Variants in PLEKHG3 observed in about 807,000 individuals in gnomAD.
PLEKHG3 encodes the protein pleckstrin homology domain-containing family G member 3.
A neutral mutation model predicts 94.9 loss-of-function variants in PLEKHG3; 62 were observed. The observed-to-expected ratio is 0.65, with a 90% CI of 0.53 to 0.81. The LOEUF (loss-of-function observed/expected upper bound fraction) is 0.81. Ranked by LOEUF, PLEKHG3 falls within the 30% of genes least tolerant of loss-of-function variation. The pLI, the probability that PLEKHG3 is intolerant of heterozygous loss-of-function variation, is 0.00. For missense variants in PLEKHG3, 1,461 were observed against 1,619.3 expected, an observed-to-expected ratio of 0.90 and a Z score of 1.68; for synonymous variants, 614 against 654.0, an observed-to-expected ratio of 0.94 and a Z score of 0.93.
chr14:64,737,977 T>C, intron 14 of PLEKHG3: 1 of 1,195,646 alleles, frequency 8.4e-7, no homozygotes, highest in Non-Finnish European at 1.1e-6. Flanking sequence ...GAGGAGGTGG[T>C]GGAGGAGGAG....
At position 64,730,421 on chromosome 14, in the gene PLEKHG3, A is replaced by G. The variant is rs955769243; in HGVS notation, c.519+109A>G. ...AGTCCTGGGGATTCCTTTCCAGGGA[A>G]AGTCCTGGGTGCTCTATCTTGAATG... is the stretch of plus-strand genomic sequence containing the variant. On this transcript the variant is annotated intron_variant, in intron 4 of 16. Coordinates refer to ENST00000247226, the MANE Select transcript of PLEKHG3 (RefSeq NM_001308147.2). This position sits in a 1 kb window ranked among gnomAD's most constrained non-coding sequence, Gnocchi z 5.4. The G allele has an allele frequency of 2.0e-4, 161 of 824,098 alleles. No individual in the cohort carries two copies. The highest frequency in any genetic ancestry group is 6.7e-4 in the Middle Eastern group (3 of 4,450). The allele number at this position is 824,098 out of a possible 1,614,324, so 51.0% of individuals were successfully genotyped here. A position where few individuals can be genotyped will look rare whatever the true frequency, so the allele number is the denominator to read the frequency against.
chr14:64,730,853 TC>T lies in PLEKHG3; in HGVS notation c.622del (p.Arg208GlyfsTer18). On this transcript the variant is annotated frameshift_variant, in exon 6 of 17. Transcript: ENST00000247226. LOFTEE classifies it high-confidence loss of function. The surrounding 1 kb of genome is among the most constrained non-coding windows in gnomAD (Gnocchi z 5.4). ...MRDKQQAKFF[R>X]DRQELLQHSL... ...GGGACAAGCAGCAGGCCAAGTTCTT[TC>T]GGGACCGGCAGGAGCTGCTACAGCA... is the stretch of plus-strand genomic sequence containing the variant. 6.2e-7 allele frequency: 1 copy of T among 1,613,412 alleles called. No homozygotes were observed. The highest frequency in any genetic ancestry group is 8.5e-7 in the Non-Finnish European group (1 of 1,179,998).
At position 64,738,823 on chromosome 14, in the gene PLEKHG3, A is replaced by G. The variant is rs755196025; in HGVS notation, c.1486A>G (p.Met496Val). 68 of 1,593,540 alleles carry G rather than the reference A, an allele frequency of 4.3e-5. No individual in the cohort carries two copies. In the South Asian group the frequency reaches 7.3e-4, roughly 17 times the overall value. ...GTCTCCAACCAGTACTGAGAAGCGC[A>G]TGAGCTTCGAGTCCATTTCTTCCCT... ...GRSPTSTEKR[M>V]SFESISSLPE... is the part of the protein sequence containing the mutation. Residue 496 changes from methionine (M) to valine (V), a missense_variant, in exon 15 of 17, where the codon ATG becomes GTG. By Grantham distance (21) the Met-to-Val change is conservative. Around this residue, in one of 3 missense-constraint regions of PLEKHG3, gnomAD observed 1,201 missense variants for 1,295.5 expected, o/e 0.93. Coordinates refer to ENST00000247226, the MANE Select transcript of PLEKHG3 (RefSeq NM_001308147.2). The surrounding 1 kb of genome is among the most constrained non-coding windows in gnomAD (Gnocchi z 4.8).
intron 1 of PLEKHG3, among the ~76,000 whole-genome samples, chr14:64,713,635 G>A (rs952319212): frequency 1.3e-5 from 2 of 152,130 alleles, no homozygotes; most frequent in Non-Finnish European, 2.9e-5. Flanking sequence ...ACTATATACA[G>A]TATGTCTGAA....
chr14:64,704,519 G>T lies in PLEKHG3; in HGVS notation c.-225G>T, dbSNP rs550412616. On this transcript the variant is annotated 5_prime_UTR_variant, in exon 1 of 17. Coordinates refer to ENST00000247226, the MANE Select transcript of PLEKHG3 (RefSeq NM_001308147.2). This position sits in a 1 kb window ranked among gnomAD's most constrained non-coding sequence, Gnocchi z 5.6. ...GCTGGCAAGCCGCGCGCTGCCTGGG[G>T]TCTCCGGGGGCCGCGCTTGCAGCTG... 6.4e-6 allele frequency: 1 copy of T among 155,532 alleles called. No individual in the cohort carries two copies. The highest frequency in any genetic ancestry group is 1.7e-4 in the East Asian group (1 of 6,054). 9.6% of individuals were successfully genotyped at this position (155,532 alleles called of 1,614,324 possible).
rs991162780 is a variant in PLEKHG3, at chr14:64,749,591, C to T, written c.*5888C>T. ...CTTCTGAGGGGGCCTCCAGGGCAAG[C>T]GGCCTGGGGTCCTCCACCTACCCCC... is the stretch of plus-strand genomic sequence containing the variant. On this transcript the variant is annotated 3_prime_UTR_variant, in exon 17 of 17. Coordinates refer to ENST00000247226, the MANE Select transcript of PLEKHG3 (RefSeq NM_001308147.2). The surrounding 1 kb of genome is among the most constrained non-coding windows in gnomAD (Gnocchi z 4.7). 2.9e-5 allele frequency: 46 copies of T among 1,608,596 alleles called. No homozygotes were observed. In the African/African-American group the frequency reaches 3.5e-4, roughly 12 times the overall value.
Position 64,730,565 on chromosome 14 carries a change from AG to A in PLEKHG3, c.520-73del. 1 of 1,215,818 alleles carries A rather than the reference AG, an allele frequency of 8.2e-7. No homozygotes were observed. The highest frequency in any genetic ancestry group is 1.2e-6 in the Non-Finnish European group (1 of 822,698). 75.3% of individuals were successfully genotyped at this position (1,215,818 alleles called of 1,614,324 possible). On this transcript the variant is annotated intron_variant, in intron 4 of 16. Transcript: ENST00000247226. The surrounding 1 kb of genome is among the most constrained non-coding windows in gnomAD (Gnocchi z 5.4). ...GGGGACAGAGGGTGCTCTGGGGGCC[AG>A]GGGCCTATCTGCTACCACCATCTTT... is the stretch of plus-strand genomic sequence containing the variant.
Position 64,731,431 on chromosome 14 carries a change from G to A in PLEKHG3, c.920G>A (p.Gly307Asp). ...LTTYGELVLE[G>D]TFRVHRVRNE... ...ACCTACGGGGAGCTTGTCCTGGAGG[G>A]CACATTCCGCGTGCATCGCGTGCGC... is the stretch of plus-strand genomic sequence containing the variant. Residue 307 changes from glycine (G) to aspartate (D), a missense_variant, in exon 8 of 17, where the codon GGC becomes GAC. Physicochemically the swap from Gly to Asp is moderately conservative, Grantham distance 94 (BLOSUM62 -1). Transcript: ENST00000247226. This position sits in a 1 kb window ranked among gnomAD's most constrained non-coding sequence, Gnocchi z 6.1. The A allele has an allele frequency of 6.2e-7, 1 of 1,613,724 alleles. No individual in the cohort carries two copies. The highest frequency in any genetic ancestry group is 8.5e-7 in the Non-Finnish European group (1 of 1,179,648).
In PLEKHG3 at chr14:64,738,956, C is replaced by A; in HGVS notation, c.1518+101C>A. On this transcript the variant is annotated intron_variant, in intron 15 of 16. Coordinates refer to ENST00000247226, the MANE Select transcript of PLEKHG3 (RefSeq NM_001308147.2). The surrounding 1 kb of genome is among the most constrained non-coding windows in gnomAD (Gnocchi z 4.8). ...TTCAGGCACAGGCTCTCCCACTGGGCCCATGGGAACAGAGATTCCCCACCT... is the reference window on the plus strand; with the variant it reads ...TTCAGGCACAGGCTCTCCCACTGGGACCATGGGAACAGAGATTCCCCACCT... The A allele has an allele frequency of 2.7e-6, 2 of 736,026 alleles. No individual in the cohort carries two copies. The highest frequency in any genetic ancestry group is 3.0e-4 in the Middle Eastern group (1 of 3,382). 45.6% of individuals were successfully genotyped at this position (736,026 alleles called of 1,614,324 possible).
chr14:64,727,480 T>A lies in PLEKHG3; in HGVS notation c.-39-113T>A, dbSNP rs2081374079. ...TCATCTTCTAAAACTGAACTCTGGA[T>A]GCACTAAATAATACCTTCCCACCCC... On this transcript the variant is annotated intron_variant, in intron 1 of 16. Coordinates refer to ENST00000247226, the MANE Select transcript of PLEKHG3 (RefSeq NM_001308147.2). This position sits in a 1 kb window ranked among gnomAD's most constrained non-coding sequence, Gnocchi z 6.0. The A allele has an allele frequency of 1.7e-6, 1 of 589,392 alleles. No homozygotes were observed. The allele number at this position is 589,392 out of a possible 1,614,324, so 36.5% of individuals were successfully genotyped here.
Position 64,738,818 on chromosome 14 carries a change from A to C in PLEKHG3, c.1481A>C (p.Lys494Thr). 6.3e-7 allele frequency: 1 copy of C among 1,597,090 alleles called. No individual in the cohort carries two copies. The highest frequency in any genetic ancestry group is 8.5e-7 in the Non-Finnish European group (1 of 1,171,220). Reference sequence around the variant, plus strand: ...GGCCGGTCTCCAACCAGTACTGAGAAGCGCATGAGCTTCGAGTCCATTTCT... The same window carrying C: ...GGCCGGTCTCCAACCAGTACTGAGACGCGCATGAGCTTCGAGTCCATTTCT... ...PSGRSPTSTE[K>T]RMSFESISSL... The change falls in exon 15 of 17, where the codon AAG (lysine) becomes ACG (threonine). Residue 494 changes from lysine (K) to threonine (T), a missense_variant. By Grantham distance (78) the Lys-to-Thr change is moderately conservative. Around this residue, in one of 3 missense-constraint regions of PLEKHG3, gnomAD observed 1,201 missense variants for 1,295.5 expected, o/e 0.93. Transcript: ENST00000247226. This position sits in a 1 kb window ranked among gnomAD's most constrained non-coding sequence, Gnocchi z 4.8.
chr14:64,732,123 G>A lies in PLEKHG3; in HGVS notation c.1154G>A (p.Trp385Ter). Reference protein sequence around the residue: ...QAKTVEEKRNWTHHIKRLILE... With the variant: ...QAKTVEEKRN ...AAGACAGTGGAGGAGAAACGGAACT[G>A]GACTCACCACATCAAGAGGCTCATC... Residue 385 changes from tryptophan (W) to a stop codon, truncating the protein, a stop_gained, in exon 10 of 17, where the codon TGG becomes TAG. Transcript: ENST00000247226. LOFTEE classifies it high-confidence loss of function. The surrounding 1 kb of genome is among the most constrained non-coding windows in gnomAD (Gnocchi z 4.9). The A allele has an allele frequency of 6.2e-7, 1 of 1,613,992 alleles. No individual in the cohort carries two copies. Among genetic ancestry groups the A allele is most frequent in the Non-Finnish European group, 8.5e-7 (1 of 1,179,908 alleles).
chr14:64,749,200 T>G lies in PLEKHG3; in HGVS notation c.*5497T>G. Reference sequence around the variant, plus strand: ...GGGGCCCGGGGGCCCGGCCCGCGACTCGACTCATCTCGATTCGACCGGCGG... The same window carrying G: ...GGGGCCCGGGGGCCCGGCCCGCGACGCGACTCATCTCGATTCGACCGGCGG... On this transcript the variant is annotated 3_prime_UTR_variant, in exon 17 of 17. Coordinates refer to ENST00000247226, the MANE Select transcript of PLEKHG3 (RefSeq NM_001308147.2). The surrounding 1 kb of genome is among the most constrained non-coding windows in gnomAD (Gnocchi z 4.7). 7.2e-7 allele frequency: 1 copy of G among 1,393,466 alleles called. No individual in the cohort carries two copies. Among genetic ancestry groups the G allele is most frequent in the Non-Finnish European group, 9.7e-7 (1 of 1,025,904 alleles). 86.3% of individuals were successfully genotyped at this position (1,393,466 alleles called of 1,614,324 possible). A position where few individuals can be genotyped will look rare whatever the true frequency, so the allele number is the denominator to read the frequency against.
chr14:64,749,908 G>C lies in PLEKHG3; in HGVS notation c.*6205G>C. The C allele has an allele frequency of 6.3e-7, 1 of 1,597,204 alleles. No homozygotes were observed. Among genetic ancestry groups the C allele is most frequent in the Non-Finnish European group, 8.6e-7 (1 of 1,164,952 alleles). ...TCAGGCCTGGCACTGGTCCCCTACAGAGGGCCTCTGCCCTGCCACTAATGC... is the reference window on the plus strand; with the variant it reads ...TCAGGCCTGGCACTGGTCCCCTACACAGGGCCTCTGCCCTGCCACTAATGC... On this transcript the variant is annotated 3_prime_UTR_variant, in exon 17 of 17. Transcript: ENST00000247226. This position sits in a 1 kb window ranked among gnomAD's most constrained non-coding sequence, Gnocchi z 4.7.
Position 64,720,421 on chromosome 14 carries a change from C to A in PLEKHG3, c.-39-7172C>A, listed in dbSNP as rs2081243115. Among the ~76,000 whole-genome samples the A allele has an allele frequency of 6.6e-6, 1 of 152,232 alleles. No individual in the cohort carries two copies. Among genetic ancestry groups the A allele is most frequent in the South Asian group, 2.1e-4 (1 of 4,830 alleles). ...GAGGAACTGGCTTTGGTCTTGACCT[C>A]ACCCACTGTTTACCTTTCTCTTGAC... On this transcript the variant is annotated intron_variant, in intron 1 of 16. Coordinates refer to ENST00000247226, the MANE Select transcript of PLEKHG3 (RefSeq NM_001308147.2). The surrounding 1 kb of genome is among the most constrained non-coding windows in gnomAD (Gnocchi z 4.1).
intron 3 of PLEKHG3, among the ~76,000 whole-genome samples, chr14:64,729,947 C>G (rs2081427587): frequency 1.3e-5 from 2 of 152,188 alleles, no homozygotes; most frequent in South Asian, 4.1e-4. Context: ...TGTTTGACTC[C>G]TTCTGCCTGC....
In PLEKHG3 at chr14:64,742,045, A is replaced by G; in HGVS notation, c.2528A>G (p.His843Arg). The G allele has an allele frequency of 6.2e-7, 1 of 1,600,678 alleles. No homozygotes were observed. Among genetic ancestry groups the G allele is most frequent in the Non-Finnish European group, 8.5e-7 (1 of 1,172,486 alleles). ...GQGQANGFDLHEPLFILEEHE... is the reference protein window; with the variant it reads ...GQGQANGFDLREPLFILEEHE... Reference sequence around the variant, plus strand: ...GGCCAGGCCAATGGCTTTGACCTGCATGAGCCACTCTTCATCCTGGAGGAG... The same window carrying G: ...GGCCAGGCCAATGGCTTTGACCTGCGTGAGCCACTCTTCATCCTGGAGGAG... Residue 843 changes from histidine to arginine, a missense_variant, in exon 16 of 17, where the codon CAT becomes CGT. Physicochemically the swap from His to Arg is conservative, Grantham distance 29. Coordinates refer to ENST00000247226, the MANE Select transcript of PLEKHG3 (RefSeq NM_001308147.2).
In PLEKHG3 at chr14:64,737,392, G is replaced by A; in HGVS notation, c.1404+17G>A. On this transcript the variant is annotated intron_variant, in intron 14 of 16. Transcript: ENST00000247226. ...GGAATGAAGGTAAAGGCCAGTGGGA[G>A]GAGGGGACTGGCTGACAGAGGAGGG... 1.9e-6 allele frequency: 3 copies of A among 1,569,234 alleles called. No homozygotes were observed. The highest frequency in any genetic ancestry group is 2.6e-6 in the Non-Finnish European group (3 of 1,155,374).
intron 1 of PLEKHG3, among the ~76,000 whole-genome samples, chr14:64,705,092 G>A (rs1291111531): frequency 6.6e-6 from 1 of 152,218 alleles, no homozygotes; most frequent in Non-Finnish European, 1.5e-5. Flanking sequence ...CCTTCTGCGC[G>A]AGGACCCGAG....
Sources: gnomAD v4.1 joint callset for allele counts (sites outside exome capture counted in the v4.1 genomes callset) on GRCh38, gnomAD v4.1.1 for gene constraint, gnomAD v4.1.1 regional missense constraint, Gnocchi (gnomAD v3.1) non-coding constraint, MANE v1.5 for transcripts, NCBI Gene and HGNC (gene_info 2026-07-23, HGNC 2026-07-21) for gene names.